Variants in PDZD8 observed in about 807,000 individuals in gnomAD.
PDZD8 encodes the protein PDZ domain containing 8, also known as PDZ domain-containing protein 8.
In PDZD8, 14 loss-of-function variants were observed where a neutral mutation model predicts 85.8. The observed-to-expected ratio is 0.16, with a 90% CI of 0.11 to 0.26. PDZD8 has a LOEUF of 0.26. Ranked by LOEUF, PDZD8 falls within the 10% of genes least tolerant of loss-of-function variation. PDZD8 has a pLI of 1.00. For missense variants in PDZD8, 1,197 were observed against 1,424.3 expected (o/e 0.84, Z 2.57); for synonymous variants, 592 against 568.6 (o/e 1.04, Z -0.59).
chr10:117,354,681 G>C (rs1844862750), intron 1 of PDZD8, among the ~76,000 whole-genome samples: 1 of 152,158 alleles, frequency 6.6e-6, no homozygotes, highest in Admixed American at 6.5e-5. Flanking sequence ...AAGGGAGAGA[G>C]TAGAACGAGC....
intron 1 of PDZD8, among the ~76,000 whole-genome samples, chr10:117,349,736 G>A (rs1010419282): frequency 6.6e-6 from 1 of 152,144 alleles, no homozygotes; most frequent in African/African-American, 2.4e-5. Flanking sequence ...CTGGGAGATC[G>A]AGGCTGCAGT....
chr10:117,323,148 G>A (rs763540075), intron 2 of PDZD8, among the ~76,000 whole-genome samples: 18 of 152,246 alleles, frequency 1.2e-4, no homozygotes, highest in Middle Eastern at 3.4e-3. Flanking sequence ...GAACAAGATC[G>A]TTCATCTAAG....
At chr10:117,373,604 C>CAAAAAAAAAAAAAA (rs796930758) in intron 1 of PDZD8, among the ~76,000 whole-genome samples, 2 of 52,428 alleles carry the variant, frequency 3.8e-5, no homozygotes, top group African/African-American at 1.3e-4. Context: ...CTAAAAAATA[C>CAAAAAAAAAAAAAA]AAAAAAAAAA....
chr10:117,294,541 T>C (rs1313561655), intron 3 of PDZD8, among the ~76,000 whole-genome samples: 1 of 152,154 alleles, frequency 6.6e-6, no homozygotes, highest in African/African-American at 2.4e-5. Context: ...ATGATGAAGA[T>C]ATACTTGCAC....
In PDZD8 at chr10:117,374,298, C is replaced by T; in HGVS notation, c.872+58G>A. On this transcript the variant is annotated intron_variant, in intron 1 of 4. Transcript: ENST00000334464. The surrounding 1 kb of genome is among the most constrained non-coding windows in gnomAD (Gnocchi z 7.8). ...CCTTTGCCCTTCCCAATCCACGCAG[C>T]GTCCCGCCCAGGCCCGGGTTCCCGG... 1 of 1,584,636 alleles carries T rather than the reference C, an allele frequency of 6.3e-7. No homozygotes were observed. The highest frequency in any genetic ancestry group is 8.6e-7 in the Non-Finnish European group (1 of 1,164,558).
Position 117,277,340 on chromosome 10 carries a change from ACTGT to A in PDZD8, c.*5924_*5927del. ...TTTCCAGTGACACAACTCATCCAGA[ACTGT>A]CTTAGTCATACCATCCATCCCTGGT... is the stretch of plus-strand genomic sequence containing the variant. On this transcript the variant is annotated 3_prime_UTR_variant, in exon 5 of 5. Transcript: ENST00000334464. 2.2e-6 allele frequency: 2 copies of A among 897,176 alleles called. No individual in the cohort carries two copies. Among genetic ancestry groups the A allele is most frequent in the East Asian group, 2.6e-5 (1 of 38,720 alleles). 55.6% of individuals were successfully genotyped at this position (897,176 alleles called of 1,614,324 possible).
At chr10:117,300,583 G>A (rs1431627343) in intron 3 of PDZD8, among the ~76,000 whole-genome samples, 1 of 152,084 alleles carries the variant, frequency 6.6e-6, no homozygotes, top group Non-Finnish European at 1.5e-5. Flanking sequence ...AACTCTACAT[G>A]CTACAGATCT....
intron 3 of PDZD8, among the ~76,000 whole-genome samples, chr10:117,315,367 G>T (rs1031053939): frequency 6.6e-6 from 1 of 152,020 alleles, no homozygotes; most frequent in Non-Finnish European, 1.5e-5. Context: ...GGCCGAGGTG[G>T]GTGGATCACC....
chr10:117,338,591 C>T (rs1367086709), intron 2 of PDZD8, among the ~76,000 whole-genome samples: 2 of 152,204 alleles, frequency 1.3e-5, no homozygotes, highest in African/African-American at 4.8e-5. Context: ...TGTCCATCAT[C>T]ATCAACCCAG....
intron 3 of PDZD8, among the ~76,000 whole-genome samples, chr10:117,316,327 AT>A (rs2133806073): frequency 6.6e-6 from 1 of 152,276 alleles, no homozygotes; most frequent in South Asian, 2.1e-4. Context: ...TTGCTAAATT[AT>A]TCTTTGCAAT....
intron 1 of PDZD8, among the ~76,000 whole-genome samples, chr10:117,361,509 T>C (rs564891568): frequency 6.6e-6 from 1 of 152,204 alleles, no homozygotes; most frequent in Non-Finnish European, 1.5e-5. Context: ...TCTGAAGTCT[T>C]GTGGACTGAA....
At chr10:117,371,856 T>C (rs184614973) in intron 1 of PDZD8, among the ~76,000 whole-genome samples, 2 of 152,226 alleles carry the variant, frequency 1.3e-5, no homozygotes, top group African/African-American at 4.8e-5. Flanking sequence ...GATGGGAGGA[T>C]TGCTTGAGCC....
At chr10:117,295,501 A>G (rs1463835969) in intron 3 of PDZD8, among the ~76,000 whole-genome samples, 1 of 46,664 alleles carries the variant, frequency 2.1e-5, no homozygotes, top group Admixed American at 2.6e-4. Flanking sequence ...TTCCTTCCCA[A>G]CACACAAAAA....
intron 2 of PDZD8, among the ~76,000 whole-genome samples, chr10:117,339,031 A>G (rs1319344580): frequency 6.6e-6 from 1 of 151,602 alleles, no homozygotes; most frequent in Non-Finnish European, 1.5e-5. Flanking sequence ...AATAGACAAC[A>G]TATTTAGTCT....
intron 1 of PDZD8, among the ~76,000 whole-genome samples, chr10:117,369,045 G>A (rs957222057): frequency 6.6e-6 from 1 of 151,966 alleles, no homozygotes; most frequent in Admixed American, 6.6e-5. Context: ...TGTTGGCCAG[G>A]CTGGTCTCGA....
intron 3 of PDZD8, among the ~76,000 whole-genome samples, chr10:117,290,598 T>A (rs1190743908): frequency 1.3e-5 from 2 of 152,156 alleles, no homozygotes; most frequent in East Asian, 3.9e-4. Flanking sequence ...CCTTGCTCCA[T>A]GCTCATTGTA....
At chr10:117,317,241 C>A (rs555449049) in intron 3 of PDZD8, among the ~76,000 whole-genome samples, 2 of 152,038 alleles carry the variant, frequency 1.3e-5, no homozygotes, top group Non-Finnish European at 2.9e-5. Flanking sequence ...AAGATAGCAT[C>A]CTAAACTCAT....
At chr10:117,316,134 G>T (rs1179758162) in intron 3 of PDZD8, among the ~76,000 whole-genome samples, 2 of 152,100 alleles carry the variant, frequency 1.3e-5, no homozygotes, top group Admixed American at 6.6e-5. Flanking sequence ...TGGCTTATAG[G>T]ATTCTCATGA....
rs1012617878 is a variant in PDZD8, at chr10:117,280,067, T to G, written c.*3201A>C. The G allele has an allele frequency of 1.3e-5, 2 of 152,122 alleles. No homozygotes were observed. The highest frequency in any genetic ancestry group is 6.5e-5 in the Admixed American group (1 of 15,272). The allele number at this position is 152,122 out of a possible 1,614,324, so 9.4% of individuals were successfully genotyped here. A position where few individuals can be genotyped will look rare whatever the true frequency, so the allele number is the denominator to read the frequency against. On this transcript the variant is annotated 3_prime_UTR_variant, in exon 5 of 5. Coordinates refer to ENST00000334464, the MANE Select transcript of PDZD8 (RefSeq NM_173791.5). ...AAAATTCAGCTATACATTTAGAACTTGATAGTACCCCTCAAAATTTTTAGG... is the reference window on the plus strand; with the variant it reads ...AAAATTCAGCTATACATTTAGAACTGGATAGTACCCCTCAAAATTTTTAGG...
Sources: gnomAD v4.1 joint callset for allele counts (sites outside exome capture counted in the v4.1 genomes callset) on GRCh38, gnomAD v4.1.1 for gene constraint, Gnocchi (gnomAD v3.1) non-coding constraint, MANE v1.5 for transcripts, NCBI Gene and HGNC (gene_info 2026-07-23, HGNC 2026-07-21) for gene names.